Variants in NEK4 observed in about 807,000 individuals in gnomAD.
The protein encoded by NEK4 is NIMA related kinase 4.
NEK4 carries 86 observed loss-of-function variants against 98.4 expected under a neutral mutation model. That is an observed-to-expected ratio of 0.87 (90% CI 0.73 to 1.05). The LOEUF (loss-of-function observed/expected upper bound fraction) is 1.05. Ranked by LOEUF, NEK4 falls within the 50% of genes least tolerant of loss-of-function variation. The probability of loss-of-function intolerance (pLI) is 0.00; values close to 1 mark genes in which losing one functional copy is unlikely to be tolerated. For missense variants in NEK4, 898 were observed against 950.3 expected (o/e 0.94, Z 0.72); for synonymous variants, 328 against 342.2 (o/e 0.96, Z 0.46).
At chr3:52,758,178 CAAAAAAAAAAAAAA>C (rs35117059) in intron 6 of NEK4, among the ~76,000 whole-genome samples, 3 of 62,780 alleles carry the variant, frequency 4.8e-5, no homozygotes, top group East Asian at 4.9e-4. Flanking sequence ...GACACCATCT[CAAAAAAAAAAAAAA>C]AAAAAAAAAA....
chr3:52,733,865 C>G, intron 15 of NEK4: 1 of 313,364 alleles, frequency 3.2e-6, no homozygotes, highest in Non-Finnish European at 6.3e-6. Flanking sequence ...CTTACAGATG[C>G]AAAAATGTGG....
At position 52,765,906 on chromosome 3, in the gene NEK4, T is replaced by A. The variant is rs745791470; in HGVS notation, c.647A>T (p.Tyr216Phe). The A allele has an allele frequency of 6.2e-7, 1 of 1,603,732 alleles. No individual in the cohort carries two copies. Among genetic ancestry groups the A allele is most frequent in the East Asian group, 2.2e-5 (1 of 44,798 alleles). Residue 216 changes from tyrosine (Y) to phenylalanine (F), a missense_variant, in exon 4 of 16, where the codon TAT becomes TTT. Physicochemically the swap from Tyr to Phe is conservative, Grantham distance 22. Transcript: ENST00000233027. The stretch of plus-strand genomic sequence containing the variant: ...CTTTACCTTTCCTTCAATAATCCGA[T>A]AAACTAAAGAATTCATATCTTTTGC... ...FNAKDMNSLV[Y>F]RIIEGKLPPM...
At chr3:52,764,604 C>T (rs946643095) in intron 4 of NEK4, among the ~76,000 whole-genome samples, 14 of 151,474 alleles carry the variant, frequency 9.2e-5, no homozygotes, top group Admixed American at 4.6e-4. Flanking sequence ...GCACTCCAGT[C>T]TGGGCAACAG....
chr3:52,720,458 A>C (rs2097359152), intron 15 of NEK4, among the ~76,000 whole-genome samples: 1 of 152,260 alleles, frequency 6.6e-6, no homozygotes, highest in Admixed American at 6.5e-5. Context: ...ACTCAAAGAG[A>C]TCCACAGACA....
Position 52,741,412 on chromosome 3 carries a change from C to A in NEK4, c.2092G>T (p.Gly698Trp). 1 of 1,582,628 alleles carries A rather than the reference C, an allele frequency of 6.3e-7. No homozygotes were observed. The highest frequency in any genetic ancestry group is 8.7e-7 in the Non-Finnish European group (1 of 1,151,910). ...TDKSDGDYGE[G>W]KGQTNEINAL... ...GGAGACAGAAAAACAAGAACTTACC[C>A]TTCCCCGTAATCCCCATCTGACTTA... The change falls in exon 13 of 16, where the codon GGG becomes TGG. Residue 698 changes from glycine to tryptophan, a missense_variant and splice_region_variant. Coordinates refer to ENST00000233027, the MANE Select transcript of NEK4 (RefSeq NM_003157.6).
At position 52,739,625 on chromosome 3, in the gene NEK4, C is replaced by T. The variant is rs140515419; in HGVS notation, c.2103G>A (p.Gln701=). ...SDGDYGEGKG[Q]TNEINALVQL... ...GTACCAAGGCATTAATTTCATTTGT[C>T]TGACCTTTCCTGGGGGAAAAAAATA... The change falls in exon 14 of 16, where the codon CAG becomes CAA. Residue 701 remains glutamine, a synonymous_variant. Coordinates refer to ENST00000233027, the MANE Select transcript of NEK4 (RefSeq NM_003157.6). 2 of 1,612,478 alleles carry T rather than the reference C, an allele frequency of 1.2e-6. No individual in the cohort carries two copies. The highest frequency in any genetic ancestry group is 1.7e-5 in the Admixed American group (1 of 59,900).
rs373012760 is a variant in NEK4, at chr3:52,746,194, G to A, written c.1694C>T (p.Pro565Leu). The change falls in exon 10 of 16, where the codon CCT becomes CTT. Residue 565 changes from proline (P) to leucine (L), a missense_variant. By Grantham distance (98) the Pro-to-Leu change is moderately conservative. Coordinates refer to ENST00000233027, the MANE Select transcript of NEK4 (RefSeq NM_003157.6). ...RDLFAFQESP[P>L]RFLPSHPIVG... ...AATGGGATGAGAAGGCAAAAATCGA[G>A]GAGGCGACTCTTGGAACTTAAATAA... The A allele has an allele frequency of 6.2e-7, 1 of 1,613,868 alleles. No individual in the cohort carries two copies. The highest frequency in any genetic ancestry group is 8.5e-7 in the Non-Finnish European group (1 of 1,179,952).
chr3:52,727,627 C>G (rs2097365777), intron 15 of NEK4, among the ~76,000 whole-genome samples: 1 of 152,182 alleles, frequency 6.6e-6, no homozygotes, highest in Non-Finnish European at 1.5e-5. Context: ...TGCCCAACAC[C>G]ACAACTGGCT....
Position 52,770,843 on chromosome 3 carries a change from T to TGGGGGCGGCTGTTGAGGCAGC in NEK4, c.-118_-98dup, listed in dbSNP as rs1195832185. On this transcript the variant is annotated 5_prime_UTR_variant, in exon 1 of 16. Coordinates refer to ENST00000233027, the MANE Select transcript of NEK4 (RefSeq NM_003157.6). ...TCGGTTCATGCCCGAGAGGGGGCAGTGGGGGCGGCTGTTGAGGCAGCCGGG... is the reference window on the plus strand; with the variant it reads ...TCGGTTCATGCCCGAGAGGGGGCAGTGGGGGCGGCTGTTGAGGCAGCGGGGGCGGCTGTTGAGGCAGCCGGG... 18 of 1,098,900 alleles carry TGGGGGCGGCTGTTGAGGCAGC rather than the reference T, an allele frequency of 1.6e-5. No homozygotes were observed. The African/African-American group carries it at 2.8e-4, about 17-fold the overall frequency. The allele number at this position is 1,098,900 out of a possible 1,614,324, so 68.1% of individuals were successfully genotyped here. A position where few individuals can be genotyped will look rare whatever the true frequency, so the allele number is the denominator to read the frequency against.
At chr3:52,744,398 G>C in intron 10 of NEK4, 93 bp from the exon 11 acceptor site, 1 of 1,006,792 alleles carries the variant, frequency 9.9e-7, no homozygotes, top group Non-Finnish European at 1.6e-6. Context: ...TTAAGAAAAA[G>C]GTCTGAGCTG....
chr3:52,728,063 T>C (rs1254753345), intron 15 of NEK4, among the ~76,000 whole-genome samples: 1 of 152,102 alleles, frequency 6.6e-6, no homozygotes, highest in African/African-American at 2.4e-5. Flanking sequence ...ACAGACCTTG[T>C]TTCTACAAAA....
At chr3:52,720,802 TA>T (rs1340744017) in intron 15 of NEK4, among the ~76,000 whole-genome samples, 1 of 152,206 alleles carries the variant, frequency 6.6e-6, no homozygotes, top group African/African-American at 2.4e-5. Flanking sequence ...CCCTACACAA[TA>T]ACTCAAAGCA....
intron 5 of NEK4, among the ~76,000 whole-genome samples, chr3:52,761,682 TA>T (rs1383722715): frequency 1.3e-5 from 2 of 152,220 alleles, no homozygotes; most frequent in Non-Finnish European, 2.9e-5. Flanking sequence ...ATGAGGGGTA[TA>T]CAGGAACTCT....
intron 8 of NEK4, among the ~76,000 whole-genome samples, chr3:52,748,651 G>A (rs2097400278): frequency 6.6e-6 from 1 of 152,184 alleles, no homozygotes. Context: ...GCAGTCTTAT[G>A]TGAGAAACTT....
intron 14 of NEK4, among the ~76,000 whole-genome samples, chr3:52,738,005 G>C (rs2097379246): frequency 2.0e-5 from 3 of 151,934 alleles, no homozygotes; most frequent in South Asian, 4.1e-4. Flanking sequence ...AGTAGACACA[G>C]GGTTTCACTG....
chr3:52,747,459 A>T (rs2097398208), intron 8 of NEK4: 3 of 151,932 alleles, frequency 2.0e-5, no homozygotes, highest in Admixed American at 2.0e-4. Flanking sequence ...CATCTCAAAA[A>T]AAAAAAAAAA....
In NEK4 at chr3:52,711,846, AC is replaced by A; in HGVS notation, c.2456del (p.Gly819ValfsTer9). The A allele has an allele frequency of 6.2e-7, 1 of 1,607,256 alleles. No individual in the cohort carries two copies. Among genetic ancestry groups the A allele is most frequent in the Non-Finnish European group, 8.5e-7 (1 of 1,175,402 alleles). ...TCACACTGTAAGTTGTATACTTTTC[AC>A]CCATGTGCTCCCGCAAACGTACCTA... is the stretch of plus-strand genomic sequence containing the variant. ...DREVRLREHM[G>X]EKYTTYSVKA... On this transcript the variant is annotated frameshift_variant, in exon 16 of 16. Coordinates refer to ENST00000233027, the MANE Select transcript of NEK4 (RefSeq NM_003157.6). LOFTEE classifies it high-confidence loss of function.
chr3:52,751,878 T>G, intron 7 of NEK4, 54 bp downstream of exon 7: 1 of 1,503,260 alleles, frequency 6.7e-7, no homozygotes, highest in Admixed American at 2.0e-5. Flanking sequence ...TATTTGTAAC[T>G]GCACTTTCAG....
Position 52,744,323 on chromosome 3 carries a change from A to G in NEK4, c.1828-18T>C, listed in dbSNP as rs751563713. ...GGTCGATCCTTTAAAAGAAAGTCACAGAGTCACTTCCATTCCTACTTGCTA... is the reference window on the plus strand; with the variant it reads ...GGTCGATCCTTTAAAAGAAAGTCACGGAGTCACTTCCATTCCTACTTGCTA... On this transcript the variant is annotated intron_variant, in intron 10 of 15. Coordinates refer to ENST00000233027, the MANE Select transcript of NEK4 (RefSeq NM_003157.6). 1.3e-6 allele frequency: 2 copies of G among 1,593,978 alleles called. No homozygotes were observed. Among genetic ancestry groups the G allele is most frequent in the Non-Finnish European group, 1.7e-6 (2 of 1,161,696 alleles).
Sources: allele counts gnomAD v4.1 joint callset (sites outside exome capture counted in the v4.1 genomes callset), GRCh38; gene constraint gnomAD v4.1.1; transcripts MANE v1.5; gene names NCBI Gene and HGNC (gene_info 2026-07-23, HGNC 2026-07-21).